Variants in RAD54B observed in about 807,000 individuals in gnomAD.
RAD54B encodes the protein DNA repair and recombination protein RAD54B.
In RAD54B, 78 loss-of-function variants were observed where a neutral mutation model predicts 95.8. The observed-to-expected ratio is 0.81, with a 90% CI of 0.68 to 0.98. RAD54B has a LOEUF of 0.98. RAD54B is among the 50% of genes least tolerant of loss of function. RAD54B has a pLI of 0.00. For synonymous variants in RAD54B, 328 were observed against 354.9 expected (o/e 0.92, Z 0.85); for missense variants, 957 against 1,056.6 (o/e 0.91, Z 1.31).
chr8:94,439,136 A>G (rs1161599164), intron 3 of RAD54B, among the ~76,000 whole-genome samples: 1 of 152,154 alleles, frequency 6.6e-6, no homozygotes, highest in African/African-American at 2.4e-5. Flanking sequence ...AAAGGATAGA[A>G]GGGAAAGAGT....
At chr8:94,419,495 C>G (rs1369879219) in intron 3 of RAD54B, among the ~76,000 whole-genome samples, 1 of 151,432 alleles carries the variant, frequency 6.6e-6, no homozygotes, top group Non-Finnish European at 1.5e-5. Flanking sequence ...GCAACAAGAG[C>G]GAAACTCCGT....
At chr8:94,416,688 T>G (rs1297660613) in intron 3 of RAD54B, among the ~76,000 whole-genome samples, 1 of 152,094 alleles carries the variant, frequency 6.6e-6, no homozygotes, top group East Asian at 1.9e-4. Context: ...GAAATACCAC[T>G]TCACAACCAT....
chr8:94,382,021 G>A (rs551730030), intron 11 of RAD54B, among the ~76,000 whole-genome samples: 1 of 151,976 alleles, frequency 6.6e-6, no homozygotes, highest in Non-Finnish European at 1.5e-5. Flanking sequence ...GGCTGAAGCA[G>A]GAGAATGGCG....
At chr8:94,420,256 T>TC (rs1178672750) in intron 3 of RAD54B, among the ~76,000 whole-genome samples, 11 of 130,816 alleles carry the variant, frequency 8.4e-5, no homozygotes, top group Non-Finnish European at 8.0e-5. Context: ...ACTTGATTTT[T>TC]TTTTTTTTTT....
Position 94,377,545 on chromosome 8 carries a change from GAAAAA to G in RAD54B, c.2515+630_2515+634del, listed in dbSNP as rs71273330. On this transcript the variant is annotated intron_variant, in intron 14 of 14. Transcript: ENST00000336148. ...AGCAACAGAGCCAGACCCTGTCTTG[GAAAAA>G]AAAAAAAAAAAAAAAAAAAAAAAAA... Among the ~76,000 whole-genome samples the G allele has an allele frequency of 3.7e-3, 260 of 70,454 alleles. 2 individuals are homozygous for G. Among genetic ancestry groups the G allele is most frequent in the African/African-American group, 7.1e-3 (99 of 13,864 alleles). 46.2% of individuals were successfully genotyped at this position (70,454 alleles called of 152,430 possible).
At chr8:94,404,349 A>C in intron 5 of RAD54B, 110 bp from the exon 6 acceptor site, 1 of 1,071,056 alleles carries the variant, frequency 9.3e-7, no homozygotes, top group Middle Eastern at 2.5e-4. Flanking sequence ...TTGTGGCCAA[A>C]AAAGTCCAAA....
chr8:94,470,594 TAA>T (rs58169172), intron 1 of RAD54B, among the ~76,000 whole-genome samples: 45,964 of 129,200 alleles, frequency 0.36, 7,453 homozygotes, highest in East Asian at 0.46. Flanking sequence ...AAACTTCGTC[TAA>T]AAAAAAAAAA....
chr8:94,423,070 A>G (rs1300761661), intron 3 of RAD54B, among the ~76,000 whole-genome samples: 1 of 151,956 alleles, frequency 6.6e-6, no homozygotes, highest in East Asian at 1.9e-4. Context: ...TTATTACCCA[A>G]TTTTTATTTT....
intron 1 of RAD54B, among the ~76,000 whole-genome samples, chr8:94,471,270 G>GC (rs1190635792): frequency 1.4e-5 from 1 of 70,572 alleles, no homozygotes; most frequent in African/African-American, 3.9e-5. Context: ...ATGGGTGGCG[G>GC]GGGGGGGCAG....
intron 3 of RAD54B, among the ~76,000 whole-genome samples, chr8:94,442,997 T>C (rs1812438506): frequency 6.6e-6 from 1 of 152,188 alleles, no homozygotes; most frequent in South Asian, 2.1e-4. Flanking sequence ...TCAGGATACA[T>C]ATCCCCTAAA....
intron 3 of RAD54B, among the ~76,000 whole-genome samples, chr8:94,444,609 A>G (rs922268384): frequency 2.0e-5 from 3 of 152,032 alleles, no homozygotes; most frequent in African/African-American, 7.2e-5. Flanking sequence ...GCCTTGACCA[A>G]CTCTAGCAAA....
chr8:94,471,278 C>T (rs1027548570), intron 1 of RAD54B, among the ~76,000 whole-genome samples: 1 of 141,760 alleles, frequency 7.1e-6, no homozygotes, highest in Non-Finnish European at 1.5e-5. Flanking sequence ...CGGGGGGGGG[C>T]AGTACTTTAA....
At chr8:94,435,543 C>T (rs1812231687) in intron 3 of RAD54B, among the ~76,000 whole-genome samples, 1 of 151,992 alleles carries the variant, frequency 6.6e-6, no homozygotes, top group African/African-American at 2.4e-5. Flanking sequence ...AAGGAGTTTA[C>T]AATTTGTTTA....
intron 3 of RAD54B, chr8:94,432,543 G>A: frequency 3.2e-6 from 5 of 1,550,546 alleles, no homozygotes; most frequent in Non-Finnish European, 3.5e-6. Flanking sequence ...CAGTGGAGGA[G>A]GTGGTTTAAT....
At chr8:94,427,931 T>TA (rs80311026) in intron 3 of RAD54B, 22,559 of 742,606 alleles carry the variant, frequency 0.03, no homozygotes, top group Non-Finnish European at 0.034. Context: ...AATGACTCCT[T>TA]AAAAAAAAAA....
At chr8:94,436,627 T>G in intron 3 of RAD54B, 1 of 1,550,586 alleles carries the variant, frequency 6.4e-7, no homozygotes, top group Non-Finnish European at 8.7e-7. Context: ...CAATAGCTCC[T>G]GTTTGGCATA....
At chr8:94,420,031 T>C (rs1403192307) in intron 3 of RAD54B, among the ~76,000 whole-genome samples, 1 of 152,124 alleles carries the variant, frequency 6.6e-6, no homozygotes, top group Non-Finnish European at 1.5e-5. Context: ...GCACATGCAG[T>C]ACAGGTTTAC....
At chr8:94,417,035 G>A (rs757828400) in intron 3 of RAD54B, among the ~76,000 whole-genome samples, 1 of 152,068 alleles carries the variant, frequency 6.6e-6, no homozygotes, top group African/African-American at 2.4e-5. Flanking sequence ...TGCATACAAT[G>A]GAATATAATT....
intron 3 of RAD54B, chr8:94,428,276 G>A (rs1472618371): frequency 2.1e-6 from 2 of 972,344 alleles, no homozygotes; most frequent in Non-Finnish European, 2.4e-6. Flanking sequence ...TGTTCTCCCA[G>A]CATTACATTT....
Sources: gnomAD v4.1 joint callset for allele counts (sites outside exome capture counted in the v4.1 genomes callset) on GRCh38, gnomAD v4.1.1 for gene constraint, MANE v1.5 for transcripts, NCBI Gene and HGNC (gene_info 2026-07-23, HGNC 2026-07-21) for gene names.